Variants in RMC1 observed in about 807,000 individuals in gnomAD.
RMC1 encodes the protein regulator of MON1-CCZ1 complex.
In RMC1, 44 loss-of-function variants were observed where a neutral mutation model predicts 95.5. The observed-to-expected ratio is 0.46, with a 90% CI of 0.36 to 0.59. RMC1 has a LOEUF of 0.59. Among genes scored for constraint, RMC1 ranks in the 20% least tolerant of loss-of-function variants. The probability of loss-of-function intolerance (pLI) is 0.00; values close to 1 mark genes in which losing one functional copy is unlikely to be tolerated. For missense variants in RMC1, 705 were observed against 819.6 expected (o/e 0.86, Z 1.71); for synonymous variants, 320 against 303.6 (o/e 1.05, Z -0.56).
In RMC1 at chr18:23,530,695, T is replaced by C. The variant is rs1378742143; in HGVS notation, c.1894+83T>C. 4 of 1,327,512 alleles carry C rather than the reference T, an allele frequency of 3.0e-6. No individual in the cohort carries two copies. The African/African-American group carries it at 4.4e-5, about 15-fold the overall frequency. 82.2% of individuals were successfully genotyped at this position (1,327,512 alleles called of 1,614,324 possible). The stretch of plus-strand genomic sequence containing the variant: ...ACTGGCAGCTGGTGGGCGAGGACCC[T>C]GGGTTAGCATTTTTGTAAACAACAC... On this transcript the variant is annotated intron_variant, in intron 19 of 19. Transcript: ENST00000269221.
At chr18:23,531,199 C>T (rs961775118) in intron 19 of RMC1, among the ~76,000 whole-genome samples, 2 of 152,046 alleles carry the variant, frequency 1.3e-5, no homozygotes, top group African/African-American at 4.8e-5. Flanking sequence ...CTATATTGTC[C>T]AGGCTGGTCT....
intron 13 of RMC1, among the ~76,000 whole-genome samples, chr18:23,527,436 G>A (rs1004915441): frequency 1.3e-5 from 2 of 151,622 alleles, no homozygotes; most frequent in African/African-American, 2.4e-5. Flanking sequence ...ACCAATATGT[G>A]CTGTTGGTGT....
At chr18:23,528,541 ACTC>A (rs1342742581) in intron 14 of RMC1, 1 of 152,890 alleles carries the variant, frequency 6.5e-6, no homozygotes, top group Admixed American at 6.5e-5. Context: ...CCAGAACTCC[ACTC>A]CCCTTTAGCT....
chr18:23,506,919 A>C, intron 2 of RMC1, 51 bp from the exon 3 acceptor site: 1 of 1,216,264 alleles, frequency 8.2e-7, no homozygotes, highest in Non-Finnish European at 1.2e-6. Flanking sequence ...AATAAATGGT[A>C]GTAGCTAGAA....
chr18:23,530,831 G>A lies in RMC1; in HGVS notation c.1894+219G>A, dbSNP rs572355449. Among the ~76,000 whole-genome samples the A allele has an allele frequency of 2.0e-5, 3 of 152,288 alleles. No individual in the cohort carries two copies. In the South Asian group the frequency reaches 6.2e-4, roughly 32 times the overall value. ...GGAACTCACCGAGGAGGTGTGTTTT[G>A]AGTCAAGACACATTTAGGACCCAGA... On this transcript the variant is annotated intron_variant, in intron 19 of 19. Coordinates refer to ENST00000269221, the MANE Select transcript of RMC1 (RefSeq NM_013326.5).
At chr18:23,516,076 G>A in intron 6 of RMC1, 80 bp downstream of exon 6, 4 of 1,584,580 alleles carry the variant, frequency 2.5e-6, no homozygotes, top group Non-Finnish European at 3.4e-6. Flanking sequence ...TGTCAGGCAC[G>A]TTAGGGACAG....
At chr18:23,511,054 T>C (rs1015252899) in intron 5 of RMC1, among the ~76,000 whole-genome samples, 3 of 152,226 alleles carry the variant, frequency 2.0e-5, no homozygotes, top group African/African-American at 7.2e-5. Context: ...CTGTTCACAA[T>C]GGCAAAGACA....
intron 14 of RMC1, chr18:23,528,588 C>T (rs2058377893): frequency 6.5e-6 from 1 of 153,252 alleles, no homozygotes; most frequent in Non-Finnish European, 1.5e-5. Context: ...GAGACAGGCA[C>T]TGAAGAGGGC....
intron 2 of RMC1, among the ~76,000 whole-genome samples, chr18:23,505,328 C>G (rs1030434111): frequency 6.6e-6 from 1 of 152,162 alleles, no homozygotes. Flanking sequence ...TCCCACAGTG[C>G]TAGGATTACA....
chr18:23,518,773 G>T, intron 7 of RMC1, 117 bp from the exon 8 acceptor site: 2 of 857,560 alleles, frequency 2.3e-6, no homozygotes. Flanking sequence ...AACACTTGTT[G>T]GCAGCAAAAT....
chr18:23,505,844 G>C (rs2057700801), intron 2 of RMC1, among the ~76,000 whole-genome samples: 1 of 152,136 alleles, frequency 6.6e-6, no homozygotes, highest in African/African-American at 2.4e-5. Flanking sequence ...AAGTTTGTGG[G>C]TGGGGGGAAG....
rs1300702988 is a variant in RMC1, at chr18:23,530,014, A to T, written c.1495-14A>T. 6.2e-7 allele frequency: 1 copy of T among 1,601,026 alleles called. No homozygotes were observed. Among genetic ancestry groups the T allele is most frequent in the Non-Finnish European group, 8.6e-7 (1 of 1,168,598 alleles). On this transcript the variant is annotated splice_polypyrimidine_tract_variant and intron_variant, in intron 16 of 19. Coordinates refer to ENST00000269221, the MANE Select transcript of RMC1 (RefSeq NM_013326.5). ...ATTTGGAAGTGTTCTTTCACTTTTT[A>T]CTTTTGTCCTCAGCATTACCTACAT... is the stretch of plus-strand genomic sequence containing the variant.
At chr18:23,503,742 T>C (rs2057648249) in intron 1 of RMC1, 22 bp downstream of exon 1, 2 of 1,576,512 alleles carry the variant, frequency 1.3e-6, no homozygotes, top group East Asian at 2.5e-5. Context: ...CCGCGCTTCC[T>C]CCCCCGCGCG....
chr18:23,516,080 G>C (rs2057995846), intron 6 of RMC1, 84 bp downstream of exon 6: 1 of 1,587,490 alleles, frequency 6.3e-7, no homozygotes, highest in East Asian at 2.2e-5. Flanking sequence ...AGGCACGTTA[G>C]GGACAGGTTC....
chr18:23,504,242 T>A lies in RMC1; in HGVS notation c.103-129T>A. 3 of 743,014 alleles carry A rather than the reference T, an allele frequency of 4.0e-6. No individual in the cohort carries two copies. In the South Asian group the frequency reaches 4.7e-5, roughly 12 times the overall value. The allele number at this position is 743,014 out of a possible 1,614,324, so 46.0% of individuals were successfully genotyped here. A position where few individuals can be genotyped will look rare whatever the true frequency, so the allele number is the denominator to read the frequency against. ...CCTGAGCAGCCAAACATCTGTACCT[T>A]GATATGTGCCGTGTTACTTTAGTTG... is the stretch of plus-strand genomic sequence containing the variant. On this transcript the variant is annotated intron_variant, in intron 1 of 19. Transcript: ENST00000269221.
At chr18:23,525,103 C>T (rs1050825022) in intron 12 of RMC1, among the ~76,000 whole-genome samples, 6 of 151,466 alleles carry the variant, frequency 4.0e-5, no homozygotes, top group African/African-American at 9.7e-5. Flanking sequence ...TGTGCCACCA[C>T]GCCCAGCTAA....
In RMC1 at chr18:23,515,883, C is replaced by T. The variant is rs1202666581; in HGVS notation, c.436C>T (p.Leu146Phe). 4 of 1,614,146 alleles carry T rather than the reference C, an allele frequency of 2.5e-6. No individual in the cohort carries two copies. The highest frequency in any genetic ancestry group is 3.4e-6 in the Non-Finnish European group (4 of 1,180,042). Residue 146 changes from leucine (L) to phenylalanine (F), a missense_variant, in exon 6 of 20, where the codon CTC (leucine) becomes TTC (phenylalanine). Leu to Phe is a conservative substitution (Grantham distance 22, BLOSUM62 0). Transcript: ENST00000269221. Reference protein sequence around the residue: ...QVLPEKRSLKLLKSHNLNVNW... With the variant: ...QVLPEKRSLKFLKSHNLNVNW... The stretch of plus-strand genomic sequence containing the variant: ...ATTACCAGAGAAACGGAGTCTGAAA[C>T]TCTTGAAGAGCCACAATCTCAATGT...
In RMC1 at chr18:23,530,483, G is replaced by C. The variant is rs1018457014; in HGVS notation, c.1765G>C (p.Asp589His). Residue 589 changes from aspartate to histidine, a missense_variant, in exon 19 of 20, where the codon GAC becomes CAC. Physicochemically the swap from Asp to His is moderately conservative, Grantham distance 81. Coordinates refer to ENST00000269221, the MANE Select transcript of RMC1 (RefSeq NM_013326.5). ...LRFIRGIGGH[D>H]NISARKFLDA... The stretch of plus-strand genomic sequence containing the variant: ...GTTTATCCGGGGCATTGGTGGCCAT[G>C]ACAACATTTCTGCACGAAAATTTTT... 1 of 1,614,254 alleles carries C rather than the reference G, an allele frequency of 6.2e-7. No individual in the cohort carries two copies. The highest frequency in any genetic ancestry group is 1.3e-5 in the African/African-American group (1 of 75,070).
intron 7 of RMC1, among the ~76,000 whole-genome samples, chr18:23,517,920 G>A (rs182142926): frequency 2.2e-4 from 33 of 152,198 alleles, no homozygotes; most frequent in African/African-American, 7.0e-4. Flanking sequence ...GTTTCACCAT[G>A]TTGCCCAGGC....
Sources: gnomAD v4.1 joint callset for allele counts (sites outside exome capture counted in the v4.1 genomes callset) on GRCh38, gnomAD v4.1.1 for gene constraint, MANE v1.5 for transcripts, NCBI Gene and HGNC (gene_info 2026-07-23, HGNC 2026-07-21) for gene names.